DMD: variants seen among roughly 807,000 people sequenced by gnomAD.
DMD encodes dystrophin.
DMD carries 63 observed loss-of-function variants against 330.1 expected under a neutral mutation model. That is an observed-to-expected ratio of 0.19 (90% confidence interval 0.16 to 0.24). The LOEUF is 0.24. DMD is among the 10% of genes least tolerant of loss of function. The pLI is 1.00. For missense variants in DMD, 3,344 were observed against 2,684.1 expected (o/e 1.25, Z -5.43); for synonymous variants, 1,223 against 959.8 (o/e 1.27, Z -5.07).
intron 60 of DMD, among the ~76,000 whole-genome samples, chrX:31,357,839 A>G (rs2058745572): frequency 1.8e-5 from 2 of 111,881 alleles, no homozygotes; most frequent in South Asian, 3.7e-4. Flanking sequence ...GTTCTTTACA[A>G]ATCAATAAAC....
intron 47 of DMD, among the ~76,000 whole-genome samples, chrX:31,878,482 TTAAA>T (rs2094002690): frequency 8.9e-6 from 1 of 111,999 alleles, no homozygotes; most frequent in African/African-American, 3.3e-5. Context: ...TATCCTCAAG[TTAAA>T]TAACTTTAAT....
chrX:33,301,898 T>C (rs894724814), intron 1 of DMD, among the ~76,000 whole-genome samples: 4 of 112,131 alleles, frequency 3.6e-5, no homozygotes, highest in Non-Finnish European at 5.6e-5. Flanking sequence ...TAGGACACAT[T>C]CAGATCATAG....
At chrX:32,770,744 A>G in intron 7 of DMD, among the ~76,000 whole-genome samples, 1 of 112,033 alleles carries the variant, frequency 8.9e-6, no homozygotes, top group East Asian at 2.8e-4. Flanking sequence ...AATAAAATGT[A>G]CAAAGTCCTT....
intron 7 of DMD, among the ~76,000 whole-genome samples, chrX:32,745,317 A>G (rs1259528353): frequency 1.8e-5 from 2 of 112,303 alleles, no homozygotes; most frequent in African/African-American, 6.5e-5. Flanking sequence ...TTAAGTTGAA[A>G]CATATATATC....
chrX:31,125,162 T>C (rs1306540301), intron 78 of DMD, among the ~76,000 whole-genome samples: 1 of 111,787 alleles, frequency 8.9e-6, no homozygotes, highest in Non-Finnish European at 1.9e-5. Flanking sequence ...TTATGGTGCA[T>C]TTTTCTACAA....
Position 31,417,691 on chromosome X carries a change from CT to C in DMD, c.9084+26789del, listed in dbSNP as rs767463746. Among the ~76,000 whole-genome samples, 248 of 99,075 alleles carry C rather than the reference CT, an allele frequency of 2.5e-3. 2 individuals are homozygous for C. The highest frequency in any genetic ancestry group is 0.021 in the South Asian group (47 of 2,258). The allele number at this position is 99,075 out of a possible 115,157, so 86.0% of individuals were successfully genotyped here. A position where few individuals can be genotyped will look rare whatever the true frequency, so the allele number is the denominator to read the frequency against. On this transcript the variant is annotated intron_variant, in intron 60 of 78. Coordinates refer to ENST00000357033, the MANE Select transcript of DMD (RefSeq NM_004006.3). ...ATATACAGCAAATATATTATCACTTCTTTTTTTTTTTTTTGGAGACAGTTTC... is the reference window on the plus strand; with the variant it reads ...ATATACAGCAAATATATTATCACTTCTTTTTTTTTTTTTGGAGACAGTTTC...
At chrX:31,550,800 G>C (rs2074427600) in intron 55 of DMD, among the ~76,000 whole-genome samples, 1 of 111,799 alleles carries the variant, frequency 8.9e-6, no homozygotes, top group Non-Finnish European at 1.9e-5. Flanking sequence ...GACTCAGTCT[G>C]GGTTTCCCAT....
chrX:31,947,564 C>T (rs2095104765), intron 45 of DMD, among the ~76,000 whole-genome samples: 1 of 112,391 alleles, frequency 8.9e-6, no homozygotes, highest in Non-Finnish European at 1.9e-5. Context: ...AAAAGCGATA[C>T]ACATTTAGTA....
At chrX:31,517,711 A>T (rs1038762326) in intron 55 of DMD, among the ~76,000 whole-genome samples, 8 of 110,643 alleles carry the variant, frequency 7.2e-5, no homozygotes, top group South Asian at 3.9e-4. Context: ...AGAGAAGGTA[A>T]AGAAGAGGGA....
chrX:31,724,796 C>A (rs915583092), intron 52 of DMD, among the ~76,000 whole-genome samples: 2 of 111,773 alleles, frequency 1.8e-5, no homozygotes, highest in Non-Finnish European at 3.8e-5. Context: ...AATCACCCTA[C>A]CAGCATAAGT....
chrX:33,233,279 G>T (rs150614123), intron 1 of DMD, among the ~76,000 whole-genome samples: 5,075 of 111,063 alleles, frequency 0.046, 245 homozygotes, highest in African/African-American at 0.16. Context: ...AGTCCAAAAA[G>T]TGCACTCCTG....
intron 62 of DMD, among the ~76,000 whole-genome samples, chrX:31,276,495 A>G (rs1401733985): frequency 8.9e-6 from 1 of 112,287 alleles, no homozygotes; most frequent in Non-Finnish European, 1.9e-5. Flanking sequence ...CTCTGTTAGT[A>G]GGAGTGCAAA....
At chrX:31,614,229 T>G (rs189942596) in intron 55 of DMD, among the ~76,000 whole-genome samples, 2 of 112,252 alleles carry the variant, frequency 1.8e-5, no homozygotes, top group South Asian at 3.7e-4. Flanking sequence ...GTCACAGCCT[T>G]GAATTTAATC....
At chrX:32,574,934 G>A (rs1391614307) in intron 13 of DMD, among the ~76,000 whole-genome samples, 1 of 104,637 alleles carries the variant, frequency 9.6e-6, no homozygotes, top group Non-Finnish European at 1.9e-5. Context: ...TTTTGCTCCT[G>A]TCACCCAGGC....
Position 32,879,880 on chromosome X carries a change from T to C in DMD, c.94-30060A>G, listed in dbSNP as rs1033424653. Reference sequence around the variant, plus strand: ...AAGACAGAACAATGCTAGATGTACTTGCATGTATTCCAATAGTGATTGCCT... The same window carrying C: ...AAGACAGAACAATGCTAGATGTACTCGCATGTATTCCAATAGTGATTGCCT... On this transcript the variant is annotated intron_variant, in intron 2 of 78. Transcript: ENST00000357033. Among the ~76,000 whole-genome samples the C allele has an allele frequency of 8.1e-5, 9 of 111,735 alleles. No individual in the cohort carries two copies. In the East Asian group the frequency reaches 2.5e-3, roughly 32 times the overall value.
At chrX:32,706,698 C>T (rs895300195) in intron 7 of DMD, among the ~76,000 whole-genome samples, 3 of 112,271 alleles carry the variant, frequency 2.7e-5, no homozygotes, top group Non-Finnish European at 5.6e-5. Flanking sequence ...ACTATTTGAG[C>T]GTTCTGTTAA....
At chrX:33,045,555 AG>A (rs1159543991) in intron 1 of DMD, among the ~76,000 whole-genome samples, 2 of 110,930 alleles carry the variant, frequency 1.8e-5, no homozygotes, top group Non-Finnish European at 3.8e-5. Flanking sequence ...CCTGTTTAAA[AG>A]TTTTTACCTG....
chrX:32,873,849 T>C (rs756152941), intron 2 of DMD, among the ~76,000 whole-genome samples: 1 of 112,210 alleles, frequency 8.9e-6, no homozygotes, highest in Admixed American at 9.4e-5. Flanking sequence ...AGATTTTCAA[T>C]CTGAAGTCCA....
chrX:32,746,175 T>A (rs1052471909), intron 7 of DMD, among the ~76,000 whole-genome samples: 3 of 111,931 alleles, frequency 2.7e-5, no homozygotes, highest in Admixed American at 9.5e-5. Context: ...TATTCCCATG[T>A]TTAGACAGAT....
Sources: allele counts gnomAD v4.1 joint callset (sites outside exome capture counted in the v4.1 genomes callset), GRCh38; gene constraint gnomAD v4.1.1; transcripts MANE v1.5; gene names NCBI Gene and HGNC (gene_info 2026-07-23, HGNC 2026-07-21).